The following NRP2 variants were observed in gnomAD, a reference collection of about 807,000 sequenced individuals.
NRP2 encodes the protein neuropilin-2.
NRP2 carries 52 observed loss-of-function variants against 110.4 expected under a neutral mutation model. The ratio of observed to expected loss-of-function variants is 0.47; its 90% CI spans 0.38 to 0.59. NRP2 has a LOEUF of 0.59. NRP2 is among the 20% of genes least tolerant of loss of function. The probability of loss-of-function intolerance (pLI) is 0.00; values close to 1 mark genes in which losing one functional copy is unlikely to be tolerated. For missense variants in NRP2, 1,049 were observed against 1,203.0 expected (o/e 0.87, Z 1.89); for synonymous variants, 508 against 468.9 (o/e 1.08, Z -1.08).
intron 11 of NRP2, among the ~76,000 whole-genome samples, chr2:205,750,481 A>G (rs554729117): frequency 6.6e-6 from 1 of 152,356 alleles, no homozygotes; most frequent in South Asian, 2.1e-4. Context: ...GGGGCTCCGC[A>G]TTTCTGGATG....
chr2:205,794,649 C>T (rs1381144020), intron 16 of NRP2, 105 bp from the exon 17 acceptor site: 36 of 1,160,066 alleles, frequency 3.1e-5, no homozygotes, highest in Non-Finnish European at 4.5e-5. Flanking sequence ...AGAGCTGCTG[C>T]TGCTAACTAC....
rs936432977 is a variant in NRP2 at position 205,753,051 on chromosome 2, A to G, written c.2044+76A>G. 19 of 1,583,910 alleles carry G rather than the reference A, an allele frequency of 1.2e-5. No homozygotes were observed. The Admixed American group carries it at 2.7e-4, about 22-fold the overall frequency. ...ACATACTTCAACCCCAGATTCCCTT[A>G]CAAGCTTCATAACTTCCCACCGCAC... On this transcript the variant is annotated intron_variant, in intron 12 of 16. Transcript: ENST00000357785.
At chr2:205,696,600 T>C (rs1378511655) in intron 1 of NRP2, among the ~76,000 whole-genome samples, 1 of 152,222 alleles carries the variant, frequency 6.6e-6, no homozygotes, top group African/African-American at 2.4e-5. Context: ...CACCCACCTT[T>C]GGAGCCTTTG....
intron 1 of NRP2, among the ~76,000 whole-genome samples, chr2:205,694,744 C>G (rs1226189672): frequency 6.6e-6 from 1 of 152,160 alleles, no homozygotes; most frequent in Non-Finnish European, 1.5e-5. Flanking sequence ...TAGCTAATTT[C>G]TATTGGGACA....
chr2:205,704,723 T>G (rs1407564218), intron 2 of NRP2, among the ~76,000 whole-genome samples: 1 of 152,272 alleles, frequency 6.6e-6, no homozygotes, highest in African/African-American at 2.4e-5. Context: ...ACTGTCTCAA[T>G]GCAAGCTTCG....
intron 7 of NRP2, among the ~76,000 whole-genome samples, chr2:205,735,950 TAATC>T (rs984941267): frequency 8.5e-5 from 13 of 152,218 alleles, no homozygotes; most frequent in African/African-American, 3.1e-4. Context: ...AATTACAACA[TAATC>T]AACACTAGCA....
rs78122348 is a variant in NRP2, at chr2:205,758,433, G to A, written c.2045-5241G>A. Reference sequence around the variant, plus strand: ...TGATTCCATTGCTGTTGGGCCAGTCGCAGTCACGTGTTCACATGACACTTA... The same window carrying A: ...TGATTCCATTGCTGTTGGGCCAGTCACAGTCACGTGTTCACATGACACTTA... On this transcript the variant is annotated intron_variant, in intron 12 of 16. Coordinates refer to ENST00000357785, the MANE Select transcript of NRP2 (RefSeq NM_003872.3). 2.3e-3 allele frequency among the ~76,000 whole-genome samples: 347 copies of A among 152,254 alleles called. 1 individual carries two copies. Among genetic ancestry groups the A allele is most frequent in the Non-Finnish European group, 2.9e-3 (194 of 68,024 alleles).
intron 10 of NRP2, among the ~76,000 whole-genome samples, chr2:205,746,941 C>T (rs979789840): frequency 3.3e-5 from 5 of 152,272 alleles, no homozygotes; most frequent in African/African-American, 4.8e-5. Flanking sequence ...GCAGCCCCAG[C>T]GAACACATCT....
chr2:205,730,814 T>C (rs1002624164), intron 7 of NRP2, among the ~76,000 whole-genome samples: 2 of 152,238 alleles, frequency 1.3e-5, no homozygotes, highest in Non-Finnish European at 2.9e-5. Flanking sequence ...GTTTACAATG[T>C]GGACCCAGAC....
intron 7 of NRP2, among the ~76,000 whole-genome samples, chr2:205,733,414 G>T (rs549835538): frequency 1.1e-4 from 17 of 152,172 alleles, no homozygotes; most frequent in Non-Finnish European, 4.4e-5. Flanking sequence ...GTGGAATCAT[G>T]TTCCTTGCCC....
At chr2:205,736,985 T>C (rs1363791358) in intron 7 of NRP2, among the ~76,000 whole-genome samples, 2 of 152,198 alleles carry the variant, frequency 1.3e-5, no homozygotes, top group Admixed American at 1.3e-4. Context: ...AATAGAGACC[T>C]TGTAAAACCA....
chr2:205,694,129 C>A (rs928471539), intron 1 of NRP2, among the ~76,000 whole-genome samples: 3 of 152,132 alleles, frequency 2.0e-5, no homozygotes, highest in Admixed American at 1.3e-4. Flanking sequence ...GGCTATGTTA[C>A]CCCTAGGCAG....
rs746749837 is a variant in NRP2, at chr2:205,716,373, AGGTCAGTGT to A, written c.433+5_433+13del. On this transcript the variant is annotated splice_donor_variant and splice_donor_5th_base_variant and coding_sequence_variant and intron_variant, in exon 3 of 17. Transcript: ENST00000357785. LOFTEE classifies it high-confidence loss of function. ...CTCTGCGCTACGAGATCTTCAAGACAGGTCAGTGTGGTCACACGTAGGGGCCGGGAGATG... is the reference window on the plus strand; with the variant it reads ...CTCTGCGCTACGAGATCTTCAAGACAGGTCACACGTAGGGGCCGGGAGATG... 1 of 1,613,826 alleles carries A rather than the reference AGGTCAGTGT, an allele frequency of 6.2e-7. No homozygotes were observed. The highest frequency in any genetic ancestry group is 8.5e-7 in the Non-Finnish European group (1 of 1,180,020).
At chr2:205,721,513 T>G (rs1015667148) in intron 3 of NRP2, among the ~76,000 whole-genome samples, 22 of 152,280 alleles carry the variant, frequency 1.4e-4, no homozygotes, top group Non-Finnish European at 2.8e-4. Flanking sequence ...AAATGGTGGC[T>G]GGTTAAAGCA....
At chr2:205,732,295 A>AAT (rs1184182606) in intron 7 of NRP2, among the ~76,000 whole-genome samples, 1 of 152,156 alleles carries the variant, frequency 6.6e-6, no homozygotes, top group African/African-American at 2.4e-5. Flanking sequence ...CTTCAAAACA[A>AAT]ATAAACACTC....
chr2:205,776,608 C>G, intron 15 of NRP2: 1 of 1,597,886 alleles, frequency 6.3e-7, no homozygotes, highest in South Asian at 1.1e-5. Flanking sequence ...TTTCTCCTCG[C>G]CTAGTTTCTG....
At chr2:205,732,301 C>T (rs139035424) in intron 7 of NRP2, among the ~76,000 whole-genome samples, 9 of 152,308 alleles carry the variant, frequency 5.9e-5, no homozygotes, top group Non-Finnish European at 1.2e-4. Context: ...AACAAATAAA[C>T]ACTCCACTTC....
intron 16 of NRP2, among the ~76,000 whole-genome samples, chr2:205,793,130 C>A (rs771518408): frequency 1.5e-4 from 23 of 152,182 alleles, no homozygotes; most frequent in Non-Finnish European, 3.2e-4. Context: ...ACTCTCCCTG[C>A]AAAACCCAGT....
At chr2:205,773,389 A>G (rs1174652793) in intron 15 of NRP2, among the ~76,000 whole-genome samples, 3 of 152,176 alleles carry the variant, frequency 2.0e-5, no homozygotes, top group Non-Finnish European at 2.9e-5. Context: ...ACATAGTACT[A>G]TTTCTCATTT....
Sources: allele counts gnomAD v4.1 joint callset (sites outside exome capture counted in the v4.1 genomes callset), GRCh38; gene constraint gnomAD v4.1.1; transcripts MANE v1.5; gene names NCBI Gene and HGNC (gene_info 2026-07-23, HGNC 2026-07-21).